Variants in ZNF226 observed in about 807,000 individuals in gnomAD.
The protein encoded by ZNF226 is Kruppel-associated box protein.
In ZNF226, 6 loss-of-function variants were observed where a neutral mutation model predicts 11.4. The observed-to-expected ratio is 0.53, with a 90% CI of 0.29 to 1.04. The LOEUF is 1.04. Ranked by LOEUF, ZNF226 falls within the 50% of genes least tolerant of loss-of-function variation. ZNF226 has a pLI of 0.08. For missense variants in ZNF226, 1,058 were observed against 956.5 expected (o/e 1.11, Z -1.40); for synonymous variants, 350 against 322.8 (o/e 1.08, Z -0.90).
the ZNF226 span, among the ~76,000 whole-genome samples, chr19:44,193,439 C>A: frequency 6.9e-6 from 1 of 145,068 alleles, no homozygotes; most frequent in Non-Finnish European, 1.5e-5. Flanking sequence ...TTTCATATTG[C>A]TAATCTTTTT....
the ZNF226 span, among the ~76,000 whole-genome samples, chr19:44,185,520 A>G: frequency 3.3e-5 from 5 of 152,154 alleles, no homozygotes; most frequent in African/African-American, 1.2e-4. Flanking sequence ...ACATCTTTTC[A>G]TGTACTTATT....
intron 5 of ZNF226, chr19:44,173,885 G>A (rs1463739340): frequency 6.6e-6 from 1 of 152,190 alleles, no homozygotes; most frequent in Non-Finnish European, 1.5e-5. Context: ...TTTGTTTAGT[G>A]ACGTTTGTCT....
chr19:44,171,394 T>C (rs1970073931), intron 3 of ZNF226, among the ~76,000 whole-genome samples: 1 of 152,204 alleles, frequency 6.6e-6, no homozygotes, highest in Non-Finnish European at 1.5e-5. Context: ...TCATACCCTG[T>C]GTGTTTACTG....
Position 44,172,089 on chromosome 19 carries a change from A to G in ZNF226, c.17A>G (p.Glu6Gly). The G allele has an allele frequency of 6.2e-7, 1 of 1,611,166 alleles. No homozygotes were observed. Among genetic ancestry groups the G allele is most frequent in the Non-Finnish European group, 8.5e-7 (1 of 1,178,084 alleles). Residue 6 changes from glutamate (E) to glycine (G), a missense_variant and splice_region_variant, in exon 4 of 6, where the codon GAA becomes GGA. By Grantham distance (98) the Glu-to-Gly change is moderately conservative. Coordinates refer to ENST00000337433, the MANE Select transcript of ZNF226 (RefSeq NM_001032373.2). Reference sequence around the variant, plus strand: ...TGAGGTCATTTGTTTTTGTCGTAGGAAGCAGTGACCTTCAAGGACGTGGCT... The same window carrying G: ...TGAGGTCATTTGTTTTTGTCGTAGGGAGCAGTGACCTTCAAGGACGTGGCT... The part of the protein sequence containing the change: MNMFK[E>G]AVTFKDVAVA...
rs570671719 is a variant in ZNF226, at chr19:44,176,382, C to T, written c.1120C>T (p.Gln374Ter). 4.3e-6 allele frequency: 7 copies of T among 1,613,946 alleles called. No individual in the cohort carries two copies. Among genetic ancestry groups the T allele is most frequent in the Non-Finnish European group, 5.9e-6 (7 of 1,179,994 alleles). Residue 374 changes from glutamine to a stop codon, truncating the protein, a stop_gained, in exon 6 of 6, where the codon CAG becomes TAG. Transcript: ENST00000337433. LOFTEE classifies it low-confidence loss of function (END_TRUNC). ...TGAGGAGTGTGGGAGGGCCTTCAGT[C>T]AGGCCTCTCATCTTCAGGACCATCA... The part of the protein sequence containing the change: ...NCEECGRAFS[Q>*]ASHLQDHQRL...
intron 2 of ZNF226, chr19:44,166,650 C>G (rs998393432): frequency 2.6e-5 from 4 of 151,872 alleles, no homozygotes; most frequent in African/African-American, 9.7e-5. Flanking sequence ...AAGATAACAA[C>G]TATAGTTTAG....
At chr19:44,172,665 G>GT in intron 4 of ZNF226, 195 bp from the exon 5 acceptor site, 2 of 554,132 alleles carry the variant, frequency 3.6e-6, no homozygotes. Context: ...TTCAAACTTG[G>GT]TTTTCATAAT....
chr19:44,196,406 A>G, the ZNF226 span, among the ~76,000 whole-genome samples: 1 of 152,192 alleles, frequency 6.6e-6, no homozygotes, highest in African/African-American at 2.4e-5. Flanking sequence ...ACTAAATCCA[A>G]TCTGGCTACA....
downstream of ZNF226, among the ~76,000 whole-genome samples, chr19:44,179,301 A>G (rs1018679244): frequency 6.6e-6 from 1 of 152,128 alleles, no homozygotes; most frequent in African/African-American, 2.4e-5. Context: ...TTCACATTTA[A>G]CTTCTATATT....
chr19:44,190,479 G>T, the ZNF226 span, among the ~76,000 whole-genome samples: 1 of 151,900 alleles, frequency 6.6e-6, no homozygotes, highest in Non-Finnish European at 1.5e-5. Context: ...GACTACAGGC[G>T]CCCGCCACCA....
At chr19:44,194,382 CCT>C in the ZNF226 span, among the ~76,000 whole-genome samples, 1 of 152,026 alleles carries the variant, frequency 6.6e-6, no homozygotes, top group African/African-American at 2.4e-5. Context: ...GCAAAGTGAT[CCT>C]GTTATCGCAG....
At chr19:44,175,009 G>T in intron 5 of ZNF226, 1 of 1,611,086 alleles carries the variant, frequency 6.2e-7, no homozygotes. Flanking sequence ...AAGCTCTTTT[G>T]CTCTATGACC....
chr19:44,177,412 A>T lies in ZNF226; in HGVS notation c.2150A>T (p.His717Leu), dbSNP rs1268157274. Residue 717 changes from histidine to leucine, a missense_variant, in exon 6 of 6, where the codon CAT becomes CTT. Transcript: ENST00000337433. Reference protein sequence around the residue: ...YFSQASSLQLHQSVHTGEKPY... With the variant: ...YFSQASSLQLLQSVHTGEKPY... ...AGTCAGGCCTCAAGTCTTCAACTTC[A>T]TCAGAGTGTCCACACAGGAGAGAAA... is the stretch of plus-strand genomic sequence containing the variant. The T allele has an allele frequency of 1.2e-6, 2 of 1,614,168 alleles. No individual in the cohort carries two copies. Among genetic ancestry groups the T allele is most frequent in the South Asian group, 1.1e-5 (1 of 91,082 alleles).
chr19:44,183,809 C>T, the ZNF226 span, among the ~76,000 whole-genome samples: 1 of 152,046 alleles, frequency 6.6e-6, no homozygotes, highest in African/African-American at 2.4e-5. Context: ...AGAGAGCCAC[C>T]AAGCCAATAT....
At chr19:44,171,189 T>C (rs1012405068) in intron 3 of ZNF226, among the ~76,000 whole-genome samples, 1 of 152,204 alleles carries the variant, frequency 6.6e-6, no homozygotes, top group Non-Finnish European at 1.5e-5. Flanking sequence ...TTTTGAAAAA[T>C]ACTGCCTTTT....
At chr19:44,169,556 T>G (rs1969832336) in intron 2 of ZNF226, 1 of 152,462 alleles carries the variant, frequency 6.6e-6, no homozygotes, top group African/African-American at 2.4e-5. Flanking sequence ...CATCTTCTAC[T>G]TATTGCAGTT....
intron 2 of ZNF226, chr19:44,167,002 C>T (rs1263259411): frequency 6.6e-6 from 1 of 152,198 alleles, no homozygotes; most frequent in African/African-American, 2.4e-5. Context: ...CATACTAGAA[C>T]CCTACTCAGT....
chr19:44,182,952 G>T (rs558178205), downstream of ZNF226, among the ~76,000 whole-genome samples: 19 of 152,214 alleles, frequency 1.2e-4, no homozygotes, highest in East Asian at 3.5e-3. Context: ...GAGAATTGTG[G>T]CCTCTAAGGC....
chr19:44,196,102 T>C, the ZNF226 span, among the ~76,000 whole-genome samples: 1 of 152,174 alleles, frequency 6.6e-6, no homozygotes, highest in Non-Finnish European at 1.5e-5. Context: ...GGTCATGGAC[T>C]TCAAAGAAGC....
Sources: allele counts gnomAD v4.1 joint callset (sites outside exome capture counted in the v4.1 genomes callset), GRCh38; gene constraint gnomAD v4.1.1; transcripts MANE v1.5; gene names NCBI Gene and HGNC (gene_info 2026-07-23, HGNC 2026-07-21).